CHM: variants seen among roughly 807,000 people sequenced by gnomAD.
CHM encodes rab proteins geranylgeranyltransferase component A 1.
In CHM, 10 loss-of-function variants were observed where a neutral mutation model predicts 49.0. The observed-to-expected ratio is 0.20, with a 90% CI of 0.13 to 0.35. CHM has a LOEUF of 0.35. CHM is among the 10% of genes least tolerant of loss of function. The probability of loss-of-function intolerance (pLI) is 1.00; values close to 1 mark genes in which losing one functional copy is unlikely to be tolerated. For synonymous variants in CHM, 184 were observed against 167.5 expected (o/e 1.10, Z -0.76); for missense variants, 455 against 478.4 (o/e 0.95, Z 0.46).
chrX:85,949,997 A>ATATATATATATATATATC (rs1455673789), intron 8 of CHM, among the ~76,000 whole-genome samples: 1 of 86,163 alleles, frequency 1.2e-5, no homozygotes, highest in African/African-American at 4.3e-5. Context: ...ATATATATAT[A>ATATATATATATATATATC]TATATATATA....
Position 85,907,391 on chromosome X carries a change from C to T in CHM, c.1244+3870G>A, listed in dbSNP as rs1926668871. ...ATACTATACTACTAAATGGCCAGAT[C>T]TAATTTACCGGAGTTTTACCTGGTC... On this transcript the variant is annotated intron_variant, in intron 9 of 14. Coordinates refer to ENST00000357749, the MANE Select transcript of CHM (RefSeq NM_000390.4). 2.7e-5 allele frequency among the ~76,000 whole-genome samples: 3 copies of T among 111,749 alleles called. No homozygotes were observed. In the Admixed American group the frequency reaches 2.8e-4, roughly 11 times the overall value.
At chrX:86,003,476 C>A (rs745507868) in intron 2 of CHM, among the ~76,000 whole-genome samples, 6 of 112,024 alleles carry the variant, frequency 5.4e-5, no homozygotes, top group African/African-American at 1.9e-4. Context: ...GCTAAAGGAG[C>A]ATGTTCGAAC....
At chrX:86,002,652 G>A (rs1440936235) in intron 2 of CHM, among the ~76,000 whole-genome samples, 1 of 112,210 alleles carries the variant, frequency 8.9e-6, no homozygotes, top group Non-Finnish European at 1.9e-5. Flanking sequence ...TCCTAACCAA[G>A]GGAGAACTGC....
At chrX:86,027,443 G>A (rs757131667) in intron 2 of CHM, 48 bp downstream of exon 2, 1 of 1,019,896 alleles carries the variant, frequency 9.8e-7, no homozygotes, top group South Asian at 1.9e-5. Context: ...TTTTAATCCT[G>A]TATAGAGATA....
chrX:85,962,778 T>G (rs1930360975), intron 5 of CHM, among the ~76,000 whole-genome samples: 1 of 111,853 alleles, frequency 8.9e-6, no homozygotes, highest in African/African-American at 3.3e-5. Context: ...TGATTTTCTA[T>G]TCTTTTGCAC....
chrX:86,036,194 G>A (rs1934238128), intron 1 of CHM, among the ~76,000 whole-genome samples: 1 of 111,229 alleles, frequency 9.0e-6, no homozygotes, highest in African/African-American at 3.3e-5. Flanking sequence ...TGCCCAAGGT[G>A]GTTGGGGTAC....
chrX:85,984,255 T>C (rs1399121105), intron 2 of CHM, among the ~76,000 whole-genome samples: 1 of 111,112 alleles, frequency 9.0e-6, no homozygotes, highest in Non-Finnish European at 1.9e-5. Context: ...CCAGAATATA[T>C]AAAGAACTCT....
chrX:86,000,039 A>T (rs1274874050), intron 2 of CHM, among the ~76,000 whole-genome samples: 1 of 111,731 alleles, frequency 9.0e-6, no homozygotes, highest in Non-Finnish European at 1.9e-5. Context: ...TACTAAGATG[A>T]TCTTCACAAA....
intron 2 of CHM, 81 bp from the exon 3 acceptor site, chrX:85,981,890 T>C (rs920078800): frequency 7.2e-5 from 55 of 765,763 alleles, no homozygotes; most frequent in Middle Eastern, 4.3e-4. Context: ...CAAACCATCT[T>C]TAACCCTTAA....
At chrX:85,864,914 ATCCTT>A in intron 14 of CHM, 93 bp from the exon 15 acceptor site, 1 of 898,957 alleles carries the variant, frequency 1.1e-6, no homozygotes, top group East Asian at 3.4e-5. Context: ...TAAGTGTTTT[ATCCTT>A]AAAAATTTGC....
At position 85,878,968 on chromosome X, in the gene CHM, T is replaced by G. The variant is rs1306375729; in HGVS notation, c.1606A>C (p.Ile536Leu). The G allele has an allele frequency of 8.7e-7, 1 of 1,151,200 alleles. No individual in the cohort carries two copies. The highest frequency in any genetic ancestry group is 2.2e-5 in the Admixed American group (1 of 45,627). 94.9% of individuals were successfully genotyped at this position (1,151,200 alleles called of 1,213,427 possible). The stretch of plus-strand genomic sequence containing the variant: ...AGTTATCAATTATTTTTCTTACCTA[T>G]CTCCATTTCAGTATATGGAACAAAC... ...KLFVPYTEME[I>L]ENEQVEKPRI... Residue 536 changes from isoleucine (I) to leucine (L), a missense_variant, in exon 13 of 15, where the codon ATA becomes CTA. Physicochemically the swap from Ile to Leu is conservative, Grantham distance 5 (BLOSUM62 2). Coordinates refer to ENST00000357749, the MANE Select transcript of CHM (RefSeq NM_000390.4).
In CHM at chrX:85,861,476, A is replaced by G. The variant is rs987559598; in HGVS notation, c.*3154T>C. The G allele has an allele frequency of 5.4e-5, 6 of 111,743 alleles. No individual in the cohort carries two copies. The highest frequency in any genetic ancestry group is 1.9e-4 in the African/African-American group (6 of 30,807). 9.2% of individuals were successfully genotyped at this position (111,743 alleles called of 1,213,427 possible). On this transcript the variant is annotated 3_prime_UTR_variant, in exon 15 of 15. Transcript: ENST00000357749. ...GTAACTATGGCAGTGACAGAAGTCA[A>G]TCATTAATACTGCCATTATTTTAGA...
At chrX:85,929,110 C>A (rs1471611772) in intron 8 of CHM, among the ~76,000 whole-genome samples, 1 of 111,467 alleles carries the variant, frequency 9.0e-6, no homozygotes, top group Non-Finnish European at 1.9e-5. Flanking sequence ...ATTAGGGAAG[C>A]ACAGTGATAC....
chrX:85,965,173 A>C (rs1176696917), intron 4 of CHM, among the ~76,000 whole-genome samples: 1 of 112,172 alleles, frequency 8.9e-6, no homozygotes, highest in Non-Finnish European at 1.9e-5. Context: ...GGTTCATATC[A>C]TTTGTTTCTT....
intron 2 of CHM, 40 bp from the exon 3 acceptor site, chrX:85,981,849 G>T (rs182010908): frequency 3.0e-6 from 3 of 994,721 alleles, no homozygotes; most frequent in South Asian, 2.2e-5. Context: ...AAAGAAAATG[G>T]TATAAAAATC....
intron 8 of CHM, among the ~76,000 whole-genome samples, chrX:85,954,104 T>A (rs111623493): frequency 0.23 from 25,148 of 110,826 alleles, 2,167 homozygotes; most frequent in Non-Finnish European, 0.25. Context: ...TGACTAAAAA[T>A]TGGGCAAAAG....
chrX:85,979,621 A>G (rs1931485537), intron 3 of CHM, among the ~76,000 whole-genome samples: 1 of 111,122 alleles, frequency 9.0e-6, no homozygotes, highest in Admixed American at 9.5e-5. Flanking sequence ...TCAAATGTCA[A>G]GGATCAATTT....
chrX:85,901,617 G>C (rs921211162), intron 9 of CHM, among the ~76,000 whole-genome samples: 3 of 111,592 alleles, frequency 2.7e-5, no homozygotes, highest in Non-Finnish European at 5.7e-5. Context: ...TTCAGAGCCT[G>C]TAAAGGCCTT....
intron 8 of CHM, among the ~76,000 whole-genome samples, chrX:85,936,309 C>T (rs375379107): frequency 3.6e-5 from 4 of 111,721 alleles, no homozygotes; most frequent in Admixed American, 1.9e-4. Context: ...ACATCAAGAC[C>T]GCAAAGTCAT....
Sources: allele counts gnomAD v4.1 joint callset (sites outside exome capture counted in the v4.1 genomes callset), GRCh38; gene constraint gnomAD v4.1.1; transcripts MANE v1.5; gene names NCBI Gene and HGNC (gene_info 2026-07-23, HGNC 2026-07-21).